TENM4: variants seen among roughly 807,000 people sequenced by gnomAD.
The protein encoded by TENM4 is teneurin-4.
Under a neutral mutation model 243.3 loss-of-function variants are expected in TENM4, and 82 were observed. The observed-to-expected ratio is 0.34, with a 90% CI of 0.28 to 0.40. TENM4 has a LOEUF of 0.40. Ranked by LOEUF, TENM4 falls within the 10% of genes least tolerant of loss-of-function variation. The pLI, the probability that TENM4 is intolerant of heterozygous loss-of-function variation, is 1.00. For missense variants in TENM4, 3,138 were observed against 3,673.3 expected (o/e 0.85, Z 3.77); for synonymous variants, 1,412 against 1,456.3 (o/e 0.97, Z 0.69).
chr11:79,092,040 G>A (rs190282618), intron 4 of TENM4, among the ~76,000 whole-genome samples: 1 of 152,270 alleles, frequency 6.6e-6, no homozygotes, highest in African/African-American at 2.4e-5. Context: ...TTCTGTTGGA[G>A]AGCTCAGTGC....
chr11:79,082,597 A>G (rs1164747061), intron 4 of TENM4, among the ~76,000 whole-genome samples: 3 of 151,930 alleles, frequency 2.0e-5, no homozygotes, highest in African/African-American at 4.8e-5. Flanking sequence ...CCATGTGTGC[A>G]CACACACACA....
At chr11:79,384,981 A>G (rs1858083254) in intron 1 of TENM4, among the ~76,000 whole-genome samples, 1 of 151,926 alleles carries the variant, frequency 6.6e-6, no homozygotes, top group Non-Finnish European at 1.5e-5. Context: ...AATAAAATGG[A>G]TGGTCAGGAG....
At position 78,988,066 on chromosome 11, in the gene TENM4, G is replaced by C. The variant is rs558307875; in HGVS notation, c.493+76672C>G. On this transcript the variant is annotated intron_variant, in intron 6 of 33. Transcript: ENST00000278550. ...ATTCAGCTCAGTAGAGCGGACCTGT[G>C]ATACCAATAGGATATTGTGGAAATA... is the stretch of plus-strand genomic sequence containing the variant. 1.2e-3 allele frequency among the ~76,000 whole-genome samples: 183 copies of C among 152,314 alleles called. 1 individual carries two copies. The highest frequency in any genetic ancestry group is 4.3e-3 in the African/African-American group (178 of 41,580).
intron 1 of TENM4, among the ~76,000 whole-genome samples, chr11:79,405,621 G>T (rs908251409): frequency 6.6e-6 from 1 of 151,580 alleles, no homozygotes; most frequent in African/African-American, 2.4e-5. Context: ...ATGCAATTTT[G>T]TCTACTATTC....
At chr11:79,395,704 C>T (rs908710864) in intron 1 of TENM4, among the ~76,000 whole-genome samples, 1 of 152,114 alleles carries the variant, frequency 6.6e-6, no homozygotes, top group African/African-American at 2.4e-5. Context: ...ACATTTACTG[C>T]CCACTCCTCT....
chr11:79,098,220 C>T (rs1257926759), intron 4 of TENM4, among the ~76,000 whole-genome samples: 1 of 106,830 alleles, frequency 9.4e-6, no homozygotes, highest in Non-Finnish European at 2.0e-5. Flanking sequence ...GTGTCTCCCC[C>T]ACCCCCCCCC....
chr11:78,772,961 C>T (rs1166077618), intron 17 of TENM4, among the ~76,000 whole-genome samples: 3 of 152,208 alleles, frequency 2.0e-5, no homozygotes, highest in Non-Finnish European at 4.4e-5. Context: ...GTTTTAAAAG[C>T]GAGCCCCAGG....
At chr11:78,814,790 G>A (rs967376601) in intron 12 of TENM4, among the ~76,000 whole-genome samples, 1 of 152,172 alleles carries the variant, frequency 6.6e-6, no homozygotes, top group Non-Finnish European at 1.5e-5. Flanking sequence ...TTCTCAGAAT[G>A]GGCTGATATT....
intron 1 of TENM4, among the ~76,000 whole-genome samples, chr11:79,334,200 C>T (rs1344279608): frequency 6.6e-6 from 1 of 152,218 alleles, no homozygotes; most frequent in Non-Finnish European, 1.5e-5. Flanking sequence ...TAAAGAACTG[C>T]TGCTGAGCAG....
intron 1 of TENM4, among the ~76,000 whole-genome samples, chr11:79,376,933 T>C (rs1284373008): frequency 1.3e-5 from 2 of 152,222 alleles, no homozygotes; most frequent in Non-Finnish European, 1.5e-5. Flanking sequence ...AACAGGGACA[T>C]GTTATCCTAT....
Position 78,669,867 on chromosome 11 carries a change from G to A in TENM4, c.6478C>T (p.Arg2160Cys), listed in dbSNP as rs190768766. The A allele has an allele frequency of 4.3e-6, 7 of 1,613,648 alleles. No homozygotes were observed. Among genetic ancestry groups the A allele is most frequent in the Admixed American group, 3.3e-5 (2 of 59,982 alleles). ...ACGGTCATCCAGTACATGAGCGAGCGGAAGATCTCATACTGCACTTCCTTC... is the reference window on the plus strand; with the variant it reads ...ACGGTCATCCAGTACATGAGCGAGCAGAAGATCTCATACTGCACTTCCTTC... ...RMKEVQYEIFRSLMYWMTVQY... is the reference protein window; with the variant it reads ...RMKEVQYEIFCSLMYWMTVQY... The change falls in exon 32 of 34, where the codon CGC (arginine) becomes TGC (cysteine). Residue 2160 changes from arginine (R) to cysteine (C), a missense_variant. This residue lies in a region of TENM4 where 2,467 missense variants were observed against 3,059.1 expected (regional missense o/e 0.81). Coordinates refer to ENST00000278550, the MANE Select transcript of TENM4 (RefSeq NM_001098816.3). This position sits in a 1 kb window ranked among gnomAD's most constrained non-coding sequence, Gnocchi z 6.4.
At chr11:78,755,167 G>A (rs1856277967) in intron 19 of TENM4, among the ~76,000 whole-genome samples, 1 of 151,386 alleles carries the variant, frequency 6.6e-6, no homozygotes, top group African/African-American at 2.4e-5. Flanking sequence ...CTTGAGCAAG[G>A]TTTTTTTTTC....
At chr11:79,389,140 G>A (rs1010412672) in intron 1 of TENM4, among the ~76,000 whole-genome samples, 8 of 151,978 alleles carry the variant, frequency 5.3e-5, no homozygotes, top group Admixed American at 6.6e-5. Flanking sequence ...GCCCAGAGAC[G>A]AGTGGGGTTT....
At chr11:79,172,278 C>A (rs962983268) in intron 3 of TENM4, among the ~76,000 whole-genome samples, 1 of 152,126 alleles carries the variant, frequency 6.6e-6, no homozygotes, top group Admixed American at 6.5e-5. Context: ...TACACTGGAT[C>A]AGCAGATGTA....
rs561465704 is a variant in TENM4 at position 79,209,528 on chromosome 11, C to T, written c.-163+6280G>A. Among the ~76,000 whole-genome samples, 207 of 152,288 alleles carry T rather than the reference C, an allele frequency of 1.4e-3. 1 individual carries two copies. Among genetic ancestry groups the T allele is most frequent in the African/African-American group, 4.7e-3 (196 of 41,556 alleles). On this transcript the variant is annotated intron_variant, in intron 3 of 33. Transcript: ENST00000278550. ...CCTATTCATGTGTTCAGTTAGTCCA[C>T]CAGGAATAGTAATGAAGCTAACACT... is the stretch of plus-strand genomic sequence containing the variant.
intron 4 of TENM4, among the ~76,000 whole-genome samples, chr11:79,123,893 C>A (rs1030466483): frequency 6.6e-6 from 1 of 152,156 alleles, no homozygotes; most frequent in African/African-American, 2.4e-5. Context: ...GTGCTAGTGG[C>A]CCTGAGATCA....
chr11:78,726,994 G>A (rs1349156914), intron 22 of TENM4, among the ~76,000 whole-genome samples: 1 of 152,200 alleles, frequency 6.6e-6, no homozygotes, highest in African/African-American at 2.4e-5. Context: ...GTAATCTAAA[G>A]GTTCAAGAGG....
rs527432428 is a variant in TENM4, at chr11:78,997,241, C to A, written c.493+67497G>T. Among the ~76,000 whole-genome samples, 9 of 152,284 alleles carry A rather than the reference C, an allele frequency of 5.9e-5. 1 individual carries two copies. The South Asian group carries it at 1.9e-3, about 32-fold the overall frequency. The stretch of plus-strand genomic sequence containing the variant: ...GGCCCTAAAATTCAGAGCAGTCCAG[C>A]GTGTTCTCTCCATGAGACTGTGACC... On this transcript the variant is annotated intron_variant, in intron 6 of 33. Transcript: ENST00000278550.
At chr11:78,701,174 C>A (rs957519253) in intron 28 of TENM4, among the ~76,000 whole-genome samples, 1 of 152,158 alleles carries the variant, frequency 6.6e-6, no homozygotes, top group Non-Finnish European at 1.5e-5. Flanking sequence ...TATGAAGATG[C>A]TAGCACTTCA....
Sources: allele counts gnomAD v4.1 joint callset (sites outside exome capture counted in the v4.1 genomes callset), GRCh38; gene constraint gnomAD v4.1.1; regional missense constraint gnomAD v4.1.1; non-coding constraint Gnocchi (gnomAD v3.1); transcripts MANE v1.5; gene names NCBI Gene and HGNC (gene_info 2026-07-23, HGNC 2026-07-21).